Variants in SULF1 observed in about 807,000 individuals in gnomAD.
SULF1 encodes the protein sulfatase 1.
Under a neutral mutation model 110.5 loss-of-function variants are expected in SULF1, and 46 were observed. The ratio of observed to expected loss-of-function variants is 0.42; its 90% CI spans 0.33 to 0.53. The LOEUF (loss-of-function observed/expected upper bound fraction) is 0.53, where lower values mean the gene tolerates loss of function less well. Ranked by LOEUF, SULF1 falls within the 20% of genes least tolerant of loss-of-function variation. The probability of loss-of-function intolerance (pLI) is 0.12; values close to 1 mark genes in which losing one functional copy is unlikely to be tolerated. For missense variants in SULF1, 941 were observed against 1,094.2 expected (o/e 0.86, Z 1.98); for synonymous variants, 371 against 387.1 (o/e 0.96, Z 0.49).
At chr8:69,527,320 T>G (rs1812768521) in intron 3 of SULF1, among the ~76,000 whole-genome samples, 1 of 152,062 alleles carries the variant, frequency 6.6e-6, no homozygotes, top group African/African-American at 2.4e-5. Context: ...AGCAGACAGA[T>G]TCCTCCCTAC....
At chr8:69,627,526 T>G (rs887114192) in intron 16 of SULF1, among the ~76,000 whole-genome samples, 1 of 152,244 alleles carries the variant, frequency 6.6e-6, no homozygotes. Flanking sequence ...CTCAATGGTC[T>G]TTTGAAATCT....
intron 3 of SULF1, among the ~76,000 whole-genome samples, chr8:69,535,064 G>A (rs117140604): frequency 6.6e-6 from 1 of 152,270 alleles, no homozygotes; most frequent in Non-Finnish European, 1.5e-5. Context: ...ACAATGTCTG[G>A]GCTCACAAAT....
chr8:69,546,983 TC>T (rs1245631139), intron 3 of SULF1, among the ~76,000 whole-genome samples: 3 of 152,252 alleles, frequency 2.0e-5, no homozygotes, highest in Non-Finnish European at 4.4e-5. Context: ...GACACAGCTT[TC>T]CTTTGCTTGT....
intron 8 of SULF1, 39 bp from the exon 9 acceptor site, chr8:69,600,564 A>T: frequency 1.3e-6 from 2 of 1,541,208 alleles, no homozygotes; most frequent in Non-Finnish European, 1.8e-6. Flanking sequence ...AAGACTAAGT[A>T]AGAAATATAT....
intron 1 of SULF1, among the ~76,000 whole-genome samples, chr8:69,468,534 G>A (rs773462213): frequency 5.3e-5 from 8 of 151,970 alleles, no homozygotes; most frequent in Non-Finnish European, 1.2e-4. Context: ...AAATACCCAG[G>A]CAGTTATTCC....
chr8:69,650,596 C>T (rs1218946500), intron 22 of SULF1, among the ~76,000 whole-genome samples: 1 of 152,168 alleles, frequency 6.6e-6, no homozygotes, highest in Non-Finnish European at 1.5e-5. Context: ...GATGACAGAG[C>T]CAGACCCTGT....
intron 13 of SULF1, among the ~76,000 whole-genome samples, chr8:69,616,043 A>AAT (rs1305663658): frequency 6.6e-6 from 1 of 150,492 alleles, no homozygotes; most frequent in African/African-American, 2.5e-5. Flanking sequence ...ATTTTTCAAG[A>AAT]ATATATATAT....
chr8:69,591,430 G>A (rs1586490454), intron 8 of SULF1, among the ~76,000 whole-genome samples: 3 of 152,084 alleles, frequency 2.0e-5, no homozygotes, highest in African/African-American at 4.8e-5. Context: ...CAGGCGTGGT[G>A]GTGGGCACCT....
intron 1 of SULF1, chr8:69,473,256 G>A (rs967612626): frequency 6.6e-6 from 1 of 152,152 alleles, no homozygotes; most frequent in African/African-American, 2.4e-5. Flanking sequence ...AAACCTGTAG[G>A]AAACTATGTC....
intron 3 of SULF1, among the ~76,000 whole-genome samples, chr8:69,554,355 G>A (rs983706615): frequency 6.6e-6 from 1 of 151,408 alleles, no homozygotes; most frequent in African/African-American, 2.4e-5. Flanking sequence ...ATCATAATAT[G>A]TGCCTTTTCA....
chr8:69,545,164 T>C (rs1814167151), intron 3 of SULF1, among the ~76,000 whole-genome samples: 1 of 99,086 alleles, frequency 1.0e-5, no homozygotes, highest in South Asian at 3.7e-4. Context: ...TTAAACTGCC[T>C]AAAATATTAG....
chr8:69,500,303 G>T (rs972605390), intron 2 of SULF1, among the ~76,000 whole-genome samples: 1 of 152,094 alleles, frequency 6.6e-6, no homozygotes, highest in East Asian at 1.9e-4. Flanking sequence ...TCAACCCTAT[G>T]GGGTAGATAC....
At chr8:69,468,817 G>A (rs968497908) in intron 1 of SULF1, among the ~76,000 whole-genome samples, 3 of 152,144 alleles carry the variant, frequency 2.0e-5, no homozygotes, top group South Asian at 2.1e-4. Context: ...CTCACAGATC[G>A]GATTTTCCTC....
At chr8:69,540,088 G>C (rs1322601235) in intron 3 of SULF1, among the ~76,000 whole-genome samples, 1 of 152,180 alleles carries the variant, frequency 6.6e-6, no homozygotes, top group African/African-American at 2.4e-5. Flanking sequence ...AGACAGAATC[G>C]AGAAGTATTT....
intron 3 of SULF1, among the ~76,000 whole-genome samples, chr8:69,554,324 C>T (rs1563525016): frequency 6.6e-6 from 1 of 152,124 alleles, no homozygotes; most frequent in Non-Finnish European, 1.5e-5. Context: ...GTAAATTTGC[C>T]TTAAATGTCC....
chr8:69,499,093 A>C (rs1810606780), intron 2 of SULF1, among the ~76,000 whole-genome samples: 1 of 152,150 alleles, frequency 6.6e-6, no homozygotes, highest in Non-Finnish European at 1.5e-5. Flanking sequence ...TCCTGACTTC[A>C]AGCAATCTGC....
chr8:69,531,203 C>G (rs2150642180), intron 3 of SULF1, among the ~76,000 whole-genome samples: 1 of 152,358 alleles, frequency 6.6e-6, no homozygotes, highest in Non-Finnish European at 1.5e-5. Flanking sequence ...TGCCTGTGCT[C>G]TGTCTCCTCT....
At chr8:69,607,226 T>C (rs1404564583) in intron 13 of SULF1, among the ~76,000 whole-genome samples, 1 of 152,252 alleles carries the variant, frequency 6.6e-6, no homozygotes, top group Non-Finnish European at 1.5e-5. Context: ...TGAGAAGCAC[T>C]ATTCTAACCC....
rs149618415 is a variant in SULF1, at chr8:69,499,310, C to G, written c.-228-2564C>G. On this transcript the variant is annotated intron_variant, in intron 2 of 22. Transcript: ENST00000402687. The stretch of plus-strand genomic sequence containing the variant: ...TTCAAAATAAGTCTCTAAGGATAAA[C>G]GAAACCCATACACCAATAATACTCT... Among the ~76,000 whole-genome samples, 23 of 152,218 alleles carry G rather than the reference C, an allele frequency of 1.5e-4. No individual in the cohort carries two copies. In the East Asian group the frequency reaches 4.2e-3, roughly 28 times the overall value.
Sources: allele counts gnomAD v4.1 joint callset (sites outside exome capture counted in the v4.1 genomes callset), GRCh38; gene constraint gnomAD v4.1.1; transcripts MANE v1.5; gene names NCBI Gene and HGNC (gene_info 2026-07-23, HGNC 2026-07-21).